MAGI1: variants seen among roughly 807,000 people sequenced by gnomAD.
The protein encoded by MAGI1 is membrane associated guanylate kinase, WW and PDZ domain containing 1.
A neutral mutation model predicts 139.9 loss-of-function variants in MAGI1; 58 were observed. That is an observed-to-expected ratio of 0.41 (90% CI 0.34 to 0.52). MAGI1 has a LOEUF of 0.52. Among genes scored for constraint, MAGI1 ranks in the 20% least tolerant of loss-of-function variants. The probability of loss-of-function intolerance (pLI) is 0.12; values close to 1 mark genes in which losing one functional copy is unlikely to be tolerated. For synonymous variants in MAGI1, 812 were observed against 737.9 expected (o/e 1.10, Z -1.63); for missense variants, 1,874 against 1,901.6 (o/e 0.99, Z 0.27).
intron 1 of MAGI1, among the ~76,000 whole-genome samples, chr3:65,731,689 G>T (rs1010466286): frequency 1.3e-5 from 2 of 149,100 alleles, no homozygotes; most frequent in African/African-American, 4.9e-5. Context: ...AAGAAAGAAA[G>T]AAATTTACAT....
intron 1 of MAGI1, among the ~76,000 whole-genome samples, chr3:65,634,821 A>C (rs928526899): frequency 6.6e-6 from 1 of 152,214 alleles, no homozygotes; most frequent in African/African-American, 2.4e-5. Flanking sequence ...ACGAATGCTG[A>C]TAAGTGACAA....
At chr3:65,359,389 C>T (rs1054580381) in intron 22 of MAGI1, 5 of 1,282,690 alleles carry the variant, frequency 3.9e-6, no homozygotes, top group Non-Finnish European at 4.9e-6. Context: ...TAAGGTGACT[C>T]GAGAACCCAG....
In MAGI1 at chr3:65,457,446, T is replaced by C. The variant is rs768867261; in HGVS notation, c.960-4106A>G. 2.0e-5 allele frequency among the ~76,000 whole-genome samples: 3 copies of C among 152,322 alleles called. No individual in the cohort carries two copies. The East Asian group carries it at 5.8e-4, about 29-fold the overall frequency. ...TGGACAAATTTACTATAAAAATTCA[T>C]GTACATGTTTAAGTATATCTCTCCA... On this transcript the variant is annotated intron_variant, in intron 5 of 22. Transcript: ENST00000402939.
At chr3:65,718,230 G>A (rs2032517244) in intron 1 of MAGI1, among the ~76,000 whole-genome samples, 1 of 152,042 alleles carries the variant, frequency 6.6e-6, no homozygotes, top group Non-Finnish European at 1.5e-5. Flanking sequence ...CCATGACCGG[G>A]CATTCTAACA....
intron 1 of MAGI1, among the ~76,000 whole-genome samples, chr3:65,979,097 CCG>C (rs1491393541): frequency 1.2e-3 from 76 of 62,642 alleles, no homozygotes; most frequent in Admixed American, 4.1e-3. Context: ...TTCCCCCCCC[CCG>C]CCACCCCCCA....
At chr3:65,370,830 A>G (rs73125511) in intron 18 of MAGI1, among the ~76,000 whole-genome samples, 10,517 of 152,154 alleles carry the variant, frequency 0.069, 406 homozygotes, top group Middle Eastern at 0.14. Flanking sequence ...AATTGTTTTG[A>G]ATTTTTAGCA....
chr3:65,387,518 G>T (rs1333829936), intron 14 of MAGI1, among the ~76,000 whole-genome samples: 1 of 151,540 alleles, frequency 6.6e-6, no homozygotes, highest in Non-Finnish European at 1.5e-5. Flanking sequence ...ACACATTCTT[G>T]AATGGCCTTA....
At chr3:65,377,998 A>C (rs1479956992) in intron 17 of MAGI1, among the ~76,000 whole-genome samples, 1 of 152,214 alleles carries the variant, frequency 6.6e-6, no homozygotes. Context: ...TAAGTCATTC[A>C]GGGATAGAGC....
At chr3:65,429,428 A>C (rs1353203131) in intron 12 of MAGI1, 92 bp downstream of exon 12, 1 of 1,293,428 alleles carries the variant, frequency 7.7e-7, no homozygotes, top group African/African-American at 1.5e-5. Context: ...AAATAAATTT[A>C]AAAAGCCCCC....
intron 13 of MAGI1, among the ~76,000 whole-genome samples, chr3:65,391,795 A>G (rs1256424266): frequency 2.0e-5 from 3 of 152,160 alleles, no homozygotes; most frequent in Non-Finnish European, 4.4e-5. Flanking sequence ...TCAGGACTCC[A>G]TGTCTTGTAC....
chr3:65,716,781 T>A (rs147464425), intron 1 of MAGI1, among the ~76,000 whole-genome samples: 1,946 of 152,230 alleles, frequency 0.013, 21 homozygotes, highest in Non-Finnish European at 0.021. Context: ...TTGTGTTAGG[T>A]GCTAGGGGTT....
chr3:65,554,867 A>T (rs1343373387), intron 2 of MAGI1, among the ~76,000 whole-genome samples: 1 of 152,252 alleles, frequency 6.6e-6, no homozygotes, highest in African/African-American at 2.4e-5. Context: ...GAGACATGAC[A>T]AAGATATGCA....
chr3:65,530,766 T>C (rs1352644573), intron 2 of MAGI1, among the ~76,000 whole-genome samples: 2 of 16,298 alleles, frequency 1.2e-4, no homozygotes, highest in Non-Finnish European at 2.4e-4. Flanking sequence ...CGTATATATA[T>C]ATATATACAC....
chr3:65,761,308 C>T (rs1003845660), intron 1 of MAGI1, among the ~76,000 whole-genome samples: 11 of 152,010 alleles, frequency 7.2e-5, no homozygotes, highest in East Asian at 1.9e-4. Flanking sequence ...TTATCAGATA[C>T]GAGATTAAAA....
At chr3:65,370,099 C>T (rs1024801562) in intron 18 of MAGI1, among the ~76,000 whole-genome samples, 7 of 152,184 alleles carry the variant, frequency 4.6e-5, no homozygotes, top group African/African-American at 1.2e-4. Flanking sequence ...GGATCTCCCA[C>T]ATCTTTTGAG....
At chr3:65,667,615 G>A (rs527453938) in intron 1 of MAGI1, among the ~76,000 whole-genome samples, 11 of 151,904 alleles carry the variant, frequency 7.2e-5, no homozygotes, top group Admixed American at 5.9e-4. Flanking sequence ...TTTTTCACCC[G>A]GGCTGGTGCA....
At chr3:65,606,766 C>T (rs1305746040) in intron 2 of MAGI1, among the ~76,000 whole-genome samples, 1 of 152,166 alleles carries the variant, frequency 6.6e-6, no homozygotes, top group Non-Finnish European at 1.5e-5. Flanking sequence ...GATCCACCCG[C>T]CTCAGCCTCC....
At chr3:65,503,114 T>C (rs1480775011) in intron 2 of MAGI1, among the ~76,000 whole-genome samples, 17 of 152,130 alleles carry the variant, frequency 1.1e-4, no homozygotes, top group Admixed American at 9.8e-4. Context: ...CAGAACAAAG[T>C]TGAAAAGGTA....
intron 1 of MAGI1, among the ~76,000 whole-genome samples, chr3:65,671,099 A>G (rs2086830435): frequency 6.6e-6 from 1 of 152,196 alleles, no homozygotes; most frequent in South Asian, 2.1e-4. Flanking sequence ...ACTCCTCACC[A>G]CAACCCTGTG....
Sources: gnomAD v4.1 joint callset for allele counts (sites outside exome capture counted in the v4.1 genomes callset) on GRCh38, gnomAD v4.1.1 for gene constraint, MANE v1.5 for transcripts, NCBI Gene and HGNC (gene_info 2026-07-23, HGNC 2026-07-21) for gene names.